The following INSRR variants were observed in gnomAD, a reference collection of about 807,000 sequenced individuals.
The protein encoded by INSRR is insulin receptor-related protein.
A neutral mutation model predicts 130.0 loss-of-function variants in INSRR; 114 were observed. The ratio of observed to expected loss-of-function variants is 0.88; its 90% CI spans 0.75 to 1.02. The LOEUF (loss-of-function observed/expected upper bound fraction) is 1.02, where lower values mean the gene tolerates loss of function less well. Among genes scored for constraint, INSRR ranks in the 50% least tolerant of loss-of-function variants. The pLI is 0.00. For missense variants in INSRR, 1,657 were observed against 1,735.2 expected (o/e 0.95, Z 0.80); for synonymous variants, 674 against 705.2 (o/e 0.96, Z 0.70).
At chr1:156,850,100 C>T (rs1009885791) in intron 5 of INSRR, among the ~76,000 whole-genome samples, 4 of 152,078 alleles carry the variant, frequency 2.6e-5, no homozygotes, top group Non-Finnish European at 4.4e-5. Flanking sequence ...CAGAGTTTCA[C>T]CATGTTGCCC....
intron 1 of INSRR, among the ~76,000 whole-genome samples, chr1:156,857,236 C>T (rs1655442770): frequency 1.3e-5 from 2 of 151,090 alleles, no homozygotes; most frequent in Non-Finnish European, 1.5e-5. Flanking sequence ...CACGCAGATA[C>T]ACACACAAAA....
At chr1:156,851,489 G>A (rs900823849) in intron 4 of INSRR, 55 bp from the exon 5 acceptor site, 11 of 1,610,354 alleles carry the variant, frequency 6.8e-6, no homozygotes, top group Non-Finnish European at 8.5e-6. Context: ...TGGGTCTGTG[G>A]GGCAAGGGGG....
In INSRR at chr1:156,841,813, G is replaced by A. The variant is rs1462918334; in HGVS notation, c.3398-19C>T. 3 of 1,613,990 alleles carry A rather than the reference G, an allele frequency of 1.9e-6. No homozygotes were observed. In the African/African-American group the frequency reaches 4.0e-5, roughly 22 times the overall value. On this transcript the variant is annotated intron_variant, in intron 19 of 21. Coordinates refer to ENST00000368195, the MANE Select transcript of INSRR (RefSeq NM_014215.3). ...CCGAAGTCTGGAAAGTGAGGGTGAG[G>A]GTGGAGGAGGTGTGGGGCATAAGAG... is the stretch of plus-strand genomic sequence containing the variant.
intron 5 of INSRR, 44 bp from the exon 6 acceptor site, chr1:156,849,504 A>C: frequency 3.7e-5 from 9 of 243,700 alleles, no homozygotes; most frequent in Middle Eastern, 7.8e-4. Flanking sequence ...AGGTGGGGGC[A>C]GGGGGTGGGA....
intron 4 of INSRR, 62 bp downstream of exon 4, chr1:156,851,584 G>A (rs1558089950): frequency 1.9e-6 from 3 of 1,611,896 alleles, no homozygotes; most frequent in African/African-American, 2.7e-5. Flanking sequence ...CATTGTAAGG[G>A]TTGTGTCTGG....
Position 156,845,407 on chromosome 1 carries a change from A to G in INSRR, c.2181T>C (p.Pro727=), listed in dbSNP as rs575518886. ...TCTTGTTGATGGACGTCACCTTCCA[A>G]GGGGATCTGGGGAGGCCAGGAGTAG... The part of the protein sequence containing the change: ...LHNAITIPIS[P]WKVTSINKSP... Residue 727 remains proline (P), a synonymous_variant, in exon 11 of 22, where the codon CCT becomes CCC. Coordinates refer to ENST00000368195, the MANE Select transcript of INSRR (RefSeq NM_014215.3). 8.3e-6 allele frequency: 13 copies of G among 1,559,418 alleles called. No homozygotes were observed. The highest frequency in any genetic ancestry group is 5.4e-5 in the Admixed American group (3 of 55,158).
At chr1:156,852,289 C>A (rs1571670802) in intron 2 of INSRR, 98 bp from the exon 3 acceptor site, 1 of 1,186,940 alleles carries the variant, frequency 8.4e-7, no homozygotes, top group South Asian at 1.6e-5. Flanking sequence ...GGATGACACT[C>A]AATCTGCACC....
At chr1:156,843,328 C>G (rs1654871223) in intron 16 of INSRR, 95 bp from the exon 17 acceptor site, 6 of 1,567,902 alleles carry the variant, frequency 3.8e-6, no homozygotes, top group Non-Finnish European at 5.3e-6. Context: ...GGCTCTTGTC[C>G]CAAGGCTATC....
rs571812029 is a variant in INSRR, at chr1:156,844,775, A to G, written c.2506T>C (p.Trp836Arg). Reference sequence around the variant, plus strand: ...CCGTTGGGGTCTGGTGGCTCGAGCCAGCGCAGAAGGACACTGTTCTTGCTG... The same window carrying G: ...CCGTTGGGGTCTGGTGGCTCGAGCCGGCGCAGAAGGACACTGTTCTTGCTG... ...ASSKNSVLLR[W>R]LEPPDPNGLI... Residue 836 changes from tryptophan (W) to arginine (R), a missense_variant, in exon 13 of 22, where the codon TGG becomes CGG. Physicochemically the swap from Trp to Arg is moderately radical, Grantham distance 101 (BLOSUM62 -3). Transcript: ENST00000368195. The G allele has an allele frequency of 3.7e-6, 6 of 1,614,172 alleles. No individual in the cohort carries two copies. The South Asian group carries it at 4.4e-5, about 12-fold the overall frequency.
In INSRR at chr1:156,844,755, G is replaced by T; in HGVS notation, c.2526C>A (p.Pro842=). 6.2e-7 allele frequency: 1 copy of T among 1,614,180 alleles called. No homozygotes were observed. The highest frequency in any genetic ancestry group is 1.6e-4 in the Middle Eastern group (1 of 6,062). ...VLLRWLEPPD[P]NGLILKYEIK... ...TTTCGTACTTGAGGATGAGTCCGTTGGGGTCTGGTGGCTCGAGCCAGCGCA... is the reference window on the plus strand; with the variant it reads ...TTTCGTACTTGAGGATGAGTCCGTTTGGGTCTGGTGGCTCGAGCCAGCGCA... The change falls in exon 13 of 22, where the codon CCC becomes CCA. Residue 842 remains proline (P), a synonymous_variant. Coordinates refer to ENST00000368195, the MANE Select transcript of INSRR (RefSeq NM_014215.3).
intron 8 of INSRR, 131 bp from the exon 9 acceptor site, chr1:156,846,250 T>C: frequency 2.0e-6 from 2 of 984,232 alleles, no homozygotes; most frequent in Admixed American, 2.9e-5. Context: ...ACCCCTGGCT[T>C]CCTAGAACTC....
Position 156,845,131 on chromosome 1 carries a change from C to T in INSRR, c.2382G>A (p.Ala794=). The T allele has an allele frequency of 6.2e-7, 1 of 1,611,434 alleles. No individual in the cohort carries two copies. The highest frequency in any genetic ancestry group is 2.2e-5 in the East Asian group (1 of 44,788). The stretch of plus-strand genomic sequence containing the variant: ...TGGCGGCGCTGCAGCCCACGGTGTG[C>T]GCCGCGTGGTTGCAGGCATGGATGT... ...RIDIHACNHA[A]HTVGCSAATF... The change falls in exon 12 of 22, where the codon GCG becomes GCA. Residue 794 remains alanine (A), a synonymous_variant. Transcript: ENST00000368195.
Position 156,841,660 on chromosome 1 carries a change from C to A in INSRR, c.3527+5G>T. The A allele has an allele frequency of 6.2e-7, 1 of 1,613,518 alleles. No homozygotes were observed. The highest frequency in any genetic ancestry group is 1.7e-4 in the Middle Eastern group (1 of 6,060). On this transcript the variant is annotated splice_donor_5th_base_variant and intron_variant, in intron 20 of 21. Transcript: ENST00000368195. ...CTGGAGCCCTGTGCTCCAGCTCGGC[C>A]CCACCAGACATCCGAGTGGGTGGTG...
intron 1 of INSRR, 78 bp downstream of exon 1, chr1:156,858,459 G>A (rs1381203927): frequency 5.8e-6 from 6 of 1,040,258 alleles, no homozygotes; most frequent in Non-Finnish European, 9.1e-6. Context: ...GAGGTGCTGT[G>A]GCTGCAAGCT....
At chr1:156,842,763 G>A (rs1654846074) in intron 17 of INSRR, among the ~76,000 whole-genome samples, 1 of 152,172 alleles carries the variant, frequency 6.6e-6, no homozygotes, top group South Asian at 2.1e-4. Flanking sequence ...ATAATGATCT[G>A]GACACCCAAT....
intron 7 of INSRR, 42 bp downstream of exon 7, chr1:156,848,879 G>GTCCGGTCCCGCCCCCGC (rs1558088155): frequency 1.9e-6 from 3 of 1,541,774 alleles, no homozygotes; most frequent in Non-Finnish European, 2.6e-6. Flanking sequence ...AATTGGCCTC[G>GTCCGGTCCCGCCCCCGC]TCCGGTCCCG....
intron 15 of INSRR, 50 bp from the exon 16 acceptor site, chr1:156,843,529 T>C: frequency 6.5e-7 from 1 of 1,546,650 alleles, no homozygotes; most frequent in Non-Finnish European, 8.9e-7. Flanking sequence ...CAGGAAGGAA[T>C]GAGCAACATC....
At chr1:156,852,865 G>C (rs569143468) in intron 2 of INSRR, among the ~76,000 whole-genome samples, 2 of 152,298 alleles carry the variant, frequency 1.3e-5, no homozygotes, top group Admixed American at 6.5e-5. Context: ...GTGGGGTGCA[G>C]CCGATACAGC....
chr1:156,841,090 CT>C lies in INSRR; in HGVS notation c.3676del (p.Ser1226AlafsTer152). On this transcript the variant is annotated frameshift_variant, in exon 22 of 22. Coordinates refer to ENST00000368195, the MANE Select transcript of INSRR (RefSeq NM_014215.3). LOFTEE classifies it high-confidence loss of function. ...GCGTGGGTTCGGCTGCCAGCAGCGG[CT>C]CATCAGCTCCTGCCTGGTGGGTGTG... The part of the protein sequence containing the change: ...GCPLQLQELM[S>X]RCWQPNPRLR... 5.8e-6 allele frequency: 9 copies of C among 1,562,048 alleles called. No homozygotes were observed. Among genetic ancestry groups the C allele is most frequent in the Non-Finnish European group, 7.8e-6 (9 of 1,153,032 alleles).
Sources: gnomAD v4.1 joint callset for allele counts (sites outside exome capture counted in the v4.1 genomes callset) on GRCh38, gnomAD v4.1.1 for gene constraint, MANE v1.5 for transcripts, NCBI Gene and HGNC (gene_info 2026-07-23, HGNC 2026-07-21) for gene names.